SSPN: variants seen among roughly 807,000 people sequenced by gnomAD.
SSPN encodes the protein sarcospan, also known as K-ras oncogene-associated protein.
A neutral mutation model predicts 19.1 loss-of-function variants in SSPN; 15 were observed. The observed-to-expected ratio is 0.78, with a 90% CI of 0.52 to 1.21. The LOEUF is 1.21. Ranked by LOEUF, SSPN falls within the 50% of genes most tolerant of loss-of-function variation. SSPN has a pLI of 0.00. For missense variants in SSPN, 291 were observed against 314.0 expected (o/e 0.93, Z 0.55); for synonymous variants, 147 against 140.3 (o/e 1.05, Z -0.34).
chr12:26,125,669 C>G (rs1944357432), intron 1 of SSPN: 1 of 152,118 alleles, frequency 6.6e-6, no homozygotes, highest in Admixed American at 6.6e-5. Flanking sequence ...CGTCCCTGGG[C>G]CAACTAAACT....
intron 1 of SSPN, among the ~76,000 whole-genome samples, chr12:26,146,230 G>A (rs1218194885): frequency 6.6e-6 from 1 of 152,164 alleles, no homozygotes; most frequent in Non-Finnish European, 1.5e-5. Flanking sequence ...TGTGCAACCT[G>A]CCGAGGCAGA....
chr12:26,146,269 A>T (rs1944489978), intron 1 of SSPN, among the ~76,000 whole-genome samples: 1 of 152,106 alleles, frequency 6.6e-6, no homozygotes, highest in African/African-American at 2.4e-5. Flanking sequence ...ATTCATCATC[A>T]CTTTCCAAGT....
intron 1 of SSPN, chr12:26,122,464 A>G (rs1416974206): frequency 1.5e-6 from 2 of 1,347,810 alleles, no homozygotes; most frequent in African/African-American, 3.1e-5. Flanking sequence ...AGGAAGCAGA[A>G]GGGCAGGCAG....
chr12:26,126,522 C>G (rs1251428438), intron 1 of SSPN: 1 of 152,190 alleles, frequency 6.6e-6, no homozygotes, highest in African/African-American at 2.4e-5. Context: ...CTACGTGTCC[C>G]CCGGCCCGCC....
chr12:26,122,183 C>T (rs1944312628), intron 1 of SSPN: 1 of 1,485,928 alleles, frequency 6.7e-7, no homozygotes, highest in Non-Finnish European at 8.9e-7. Context: ...GCTGGGGGTG[C>T]GGCGCCCCAA....
At chr12:26,129,035 T>C (rs1944382534) in intron 1 of SSPN, among the ~76,000 whole-genome samples, 1 of 152,236 alleles carries the variant, frequency 6.6e-6, no homozygotes, top group African/African-American at 2.4e-5. Context: ...CCATGGGGAA[T>C]AGAGGTTTTC....
chr12:26,164,531 C>G (rs1944609267), intron 1 of SSPN, among the ~76,000 whole-genome samples: 1 of 152,202 alleles, frequency 6.6e-6, no homozygotes, highest in Non-Finnish European at 1.5e-5. Flanking sequence ...CAGAGCCAGA[C>G]TCTTTCTCTA....
intron 1 of SSPN, chr12:26,125,549 T>C (rs981476983): frequency 1.3e-5 from 2 of 152,140 alleles, no homozygotes; most frequent in African/African-American, 2.4e-5. Flanking sequence ...GGTGGAGAGG[T>C]TGCCTCGAGA....
intron 1 of SSPN, among the ~76,000 whole-genome samples, chr12:26,219,072 G>A (rs528898638): frequency 3.6e-4 from 55 of 152,238 alleles, no homozygotes; most frequent in African/African-American, 1.3e-3. Flanking sequence ...GCAGGTACAC[G>A]ATGAAACGGG....
chr12:26,206,016 G>A (rs547320068), intron 1 of SSPN, among the ~76,000 whole-genome samples: 22 of 152,264 alleles, frequency 1.4e-4, no homozygotes, highest in Middle Eastern at 3.4e-3. Context: ...TAGGGTGACC[G>A]TAACTATTGT....
chr12:26,122,493 G>A, intron 1 of SSPN: 3 of 1,321,488 alleles, frequency 2.3e-6, no homozygotes, highest in South Asian at 1.8e-5. Flanking sequence ...CGCGGCGGCC[G>A]CGGGCTGCGG....
intron 1 of SSPN, chr12:26,122,157 G>A (rs1313689040): frequency 4.5e-6 from 7 of 1,539,520 alleles, no homozygotes; most frequent in South Asian, 1.2e-5. Context: ...GGGCAGGTGG[G>A]TGCGGCCGTG....
At chr12:26,123,857 CT>C in intron 1 of SSPN, 1 of 813,968 alleles carries the variant, frequency 1.2e-6, no homozygotes, top group East Asian at 2.5e-5. Flanking sequence ...AAGTACTGTT[CT>C]TTTACTTCTT....
At chr12:26,222,097 C>T (rs2137506770) in intron 1 of SSPN, among the ~76,000 whole-genome samples, 1 of 152,282 alleles carries the variant, frequency 6.6e-6, no homozygotes, top group South Asian at 2.1e-4. Context: ...GAAAAGCTGC[C>T]TCCCTGGGTC....
chr12:26,201,038 T>TAAATA (rs1565685504), intron 1 of SSPN, among the ~76,000 whole-genome samples: 3,353 of 59,760 alleles, frequency 0.056, 70 homozygotes, highest in Middle Eastern at 0.07. Flanking sequence ...TATATATATA[T>TAAATA]ATATATATTA....
At chr12:26,137,130 A>G (rs1024344978) in intron 1 of SSPN, among the ~76,000 whole-genome samples, 2 of 152,190 alleles carry the variant, frequency 1.3e-5, no homozygotes, top group African/African-American at 4.8e-5. Context: ...TTGCTCAACA[A>G]CCCTTTGATA....
chr12:26,197,673 A>G (rs994299741), intron 1 of SSPN, among the ~76,000 whole-genome samples: 4 of 152,188 alleles, frequency 2.6e-5, no homozygotes. Context: ...TTATGAACTA[A>G]AGCTCCTGTG....
chr12:26,136,633 A>T (rs1036525200), intron 1 of SSPN, among the ~76,000 whole-genome samples: 1 of 152,210 alleles, frequency 6.6e-6, no homozygotes, highest in African/African-American at 2.4e-5. Context: ...TAATTGATGA[A>T]TTGAGTAACA....
intron 1 of SSPN, among the ~76,000 whole-genome samples, chr12:26,124,359 T>C (rs533561616): frequency 6.7e-6 from 1 of 149,840 alleles, no homozygotes; most frequent in African/African-American, 2.5e-5. Context: ...AGGTATGATG[T>C]TTAATATCCC....
Sources: gnomAD v4.1 joint callset for allele counts (sites outside exome capture counted in the v4.1 genomes callset) on GRCh38, gnomAD v4.1.1 for gene constraint, MANE v1.5 for transcripts, NCBI Gene and HGNC (gene_info 2026-07-23, HGNC 2026-07-21) for gene names.